Variants in MCTP1 observed in about 807,000 individuals in gnomAD.
The protein encoded by MCTP1 is multiple C2 and transmembrane domain containing 1.
Under a neutral mutation model 120.6 loss-of-function variants are expected in MCTP1, and 69 were observed. The ratio of observed to expected loss-of-function variants is 0.57; its 90% CI spans 0.47 to 0.70. The LOEUF is 0.70. MCTP1 is among the 30% of genes least tolerant of loss of function. The pLI, the probability that MCTP1 is intolerant of heterozygous loss-of-function variation, is 0.00. For synonymous variants in MCTP1, 529 were observed against 493.1 expected, an observed-to-expected ratio of 1.07 and a Z score of -0.96; for missense variants, 1,203 against 1,248.8, an observed-to-expected ratio of 0.96 and a Z score of 0.55.
At chr5:95,011,325 A>G (rs529853166) in intron 2 of MCTP1, among the ~76,000 whole-genome samples, 18 of 152,186 alleles carry the variant, frequency 1.2e-4, no homozygotes, top group Non-Finnish European at 1.9e-4. Flanking sequence ...TTGGAATTCT[A>G]CCATAAGAAA....
intron 1 of MCTP1, among the ~76,000 whole-genome samples, chr5:95,169,955 T>C (rs1033360786): frequency 1.3e-5 from 2 of 152,230 alleles, no homozygotes; most frequent in African/African-American, 4.8e-5. Context: ...TCTGCTAGCT[T>C]TTGAATGTGT....
chr5:95,218,622 G>GT (rs1753309850), intron 1 of MCTP1, among the ~76,000 whole-genome samples: 1 of 152,092 alleles, frequency 6.6e-6, no homozygotes, highest in African/African-American at 2.4e-5. Context: ...TGAGCTCCAG[G>GT]TAACTTTATT....
chr5:94,857,712 T>C (rs539043265), intron 17 of MCTP1, among the ~76,000 whole-genome samples: 12 of 151,846 alleles, frequency 7.9e-5, no homozygotes, highest in Admixed American at 7.9e-4. Context: ...AAGCATTTCA[T>C]ACAGATGATT....
chr5:94,920,647 TAGG>T (rs1811372272), intron 7 of MCTP1, among the ~76,000 whole-genome samples: 2 of 151,440 alleles, frequency 1.3e-5, no homozygotes, highest in South Asian at 4.2e-4. Flanking sequence ...GAGGCTGAGG[TAGG>T]AGAATGGCGT....
Position 94,912,428 on chromosome 5 carries a change from C to CAAAAAAAA in MCTP1, c.1521+370_1521+377dup, listed in dbSNP as rs564439495. Among the ~76,000 whole-genome samples, 2 of 31,424 alleles carry CAAAAAAAA rather than the reference C, an allele frequency of 6.4e-5. 1 individual carries two copies. Among genetic ancestry groups the CAAAAAAAA allele is most frequent in the Non-Finnish European group, 1.1e-4 (2 of 18,246 alleles). 20.6% of individuals were successfully genotyped at this position (31,424 alleles called of 152,430 possible). ...GCCTGGTGACAGAGTGAGACTCCATCAAAAAAAAAAAAAAAAAAAAAAAAA... is the reference window on the plus strand; with the variant it reads ...GCCTGGTGACAGAGTGAGACTCCATCAAAAAAAAAAAAAAAAAAAAAAAAAAAAAAAAA... On this transcript the variant is annotated intron_variant, in intron 9 of 22. Coordinates refer to ENST00000515393, the MANE Select transcript of MCTP1 (RefSeq NM_024717.7).
intron 6 of MCTP1, among the ~76,000 whole-genome samples, chr5:94,930,465 G>A (rs1814381354): frequency 6.6e-6 from 1 of 151,138 alleles, no homozygotes; most frequent in African/African-American, 2.4e-5. Flanking sequence ...GTAGAGATGG[G>A]GTTTCACCAT....
intron 17 of MCTP1, among the ~76,000 whole-genome samples, chr5:94,824,141 T>G (rs1786363642): frequency 1.3e-5 from 2 of 152,268 alleles, no homozygotes; most frequent in Non-Finnish European, 2.9e-5. Context: ...AAGGGAATTC[T>G]TCCAGCTTTT....
intron 2 of MCTP1, among the ~76,000 whole-genome samples, chr5:94,985,580 C>T (rs968070337): frequency 1.3e-5 from 2 of 152,178 alleles, no homozygotes; most frequent in Non-Finnish European, 2.9e-5. Flanking sequence ...CCAAGTCCTA[C>T]TCTCTAATTT....
At chr5:95,274,075 C>T (rs950091426) in intron 1 of MCTP1, among the ~76,000 whole-genome samples, 2 of 152,172 alleles carry the variant, frequency 1.3e-5, no homozygotes, top group South Asian at 2.1e-4. Context: ...GCTCAATTGC[C>T]TCCAGGGTTG....
chr5:95,223,600 T>A (rs1300170511), intron 1 of MCTP1, among the ~76,000 whole-genome samples: 1 of 152,224 alleles, frequency 6.6e-6, no homozygotes, highest in Non-Finnish European at 1.5e-5. Context: ...ATTAATTGTG[T>A]TAATCATTAT....
At chr5:94,898,116 G>A (rs986138921) in intron 10 of MCTP1, among the ~76,000 whole-genome samples, 20 of 152,012 alleles carry the variant, frequency 1.3e-4, no homozygotes, top group African/African-American at 4.8e-4. Flanking sequence ...TTCAGTATTG[G>A]GTGTACTCAT....
In MCTP1 at chr5:94,708,567, A is replaced by G. The variant is rs745929131; in HGVS notation, c.2873T>C (p.Ile958Thr). ...GAAGTCAAGTAGTTCATTGTTATCA[A>G]TTGCATATGGACTCCGAAGCTTTTT... is the stretch of plus-strand genomic sequence containing the variant. ...FTKKLRSPYAIDNNELLDFLS... is the reference protein window; with the variant it reads ...FTKKLRSPYATDNNELLDFLS... The change falls in exon 22 of 23, where the codon ATT (isoleucine) becomes ACT (threonine). Residue 958 changes from isoleucine (I) to threonine (T), a missense_variant. Ile to Thr is a moderately conservative substitution (Grantham distance 89, BLOSUM62 -1). This residue lies in a region of MCTP1 where 740 missense variants were observed against 871.1 expected (regional missense o/e 0.85). Transcript: ENST00000515393. 6.2e-7 allele frequency: 1 copy of G among 1,611,606 alleles called. No individual in the cohort carries two copies. Among genetic ancestry groups the G allele is most frequent in the South Asian group, 1.1e-5 (1 of 91,002 alleles).
intron 1 of MCTP1, among the ~76,000 whole-genome samples, chr5:95,147,508 TAAG>T (rs1454822747): frequency 5.9e-4 from 90 of 152,234 alleles, no homozygotes; most frequent in Non-Finnish European, 2.2e-4. Context: ...TTATCTGATA[TAAG>T]AATAGTGATA....
intron 1 of MCTP1, among the ~76,000 whole-genome samples, chr5:95,021,042 T>C (rs1027928981): frequency 1.1e-4 from 16 of 152,078 alleles, no homozygotes; most frequent in African/African-American, 3.6e-4. Context: ...GTATTCTTCC[T>C]GATGAAGCCA....
intron 1 of MCTP1, among the ~76,000 whole-genome samples, chr5:95,074,601 G>A (rs1299961582): frequency 6.6e-6 from 1 of 152,172 alleles, no homozygotes; most frequent in East Asian, 1.9e-4. Flanking sequence ...AATCTTAGGT[G>A]TGCACAAGTG....
chr5:95,241,100 T>C (rs1043453238), intron 1 of MCTP1, among the ~76,000 whole-genome samples: 1 of 152,186 alleles, frequency 6.6e-6, no homozygotes, highest in Non-Finnish European at 1.5e-5. Context: ...ATTGAGCACA[T>C]ACTATATAAT....
At chr5:94,737,225 G>A (rs572265928) in intron 19 of MCTP1, among the ~76,000 whole-genome samples, 49 of 149,086 alleles carry the variant, frequency 3.3e-4, no homozygotes, top group South Asian at 8.8e-4. Context: ...TTTTATCTCA[G>A]AGGAGGAGGG....
chr5:94,744,142 A>ATTGT (rs200277190), intron 19 of MCTP1, among the ~76,000 whole-genome samples: 20 of 151,398 alleles, frequency 1.3e-4, no homozygotes, highest in East Asian at 5.9e-4. Flanking sequence ...AGCTAATGTT[A>ATTGT]TTGTTTGTTT....
At chr5:95,019,342 C>T (rs1837744423) in intron 1 of MCTP1, among the ~76,000 whole-genome samples, 1 of 151,996 alleles carries the variant, frequency 6.6e-6, no homozygotes, top group African/African-American at 2.4e-5. Flanking sequence ...ACCATAGTCA[C>T]CACGCTGTGT....
Sources: allele counts gnomAD v4.1 joint callset (sites outside exome capture counted in the v4.1 genomes callset), GRCh38; gene constraint gnomAD v4.1.1; regional missense constraint gnomAD v4.1.1; transcripts MANE v1.5; gene names NCBI Gene and HGNC (gene_info 2026-07-23, HGNC 2026-07-21).